KIAA1217: variants seen among roughly 807,000 people sequenced by gnomAD.
The protein encoded by KIAA1217 is KIAA1217.
KIAA1217 carries 88 observed loss-of-function variants against 163.9 expected under a neutral mutation model. The ratio of observed to expected loss-of-function variants is 0.54; its 90% CI spans 0.45 to 0.64. The LOEUF is 0.64. Among genes scored for constraint, KIAA1217 ranks in the 30% least tolerant of loss-of-function variants. The pLI, the probability that KIAA1217 is intolerant of heterozygous loss-of-function variation, is 0.00. For missense variants in KIAA1217, 2,372 were observed against 2,475.0 expected (o/e 0.96, Z 0.88); for synonymous variants, 903 against 923.1 (o/e 0.98, Z 0.39).
chr10:24,402,530 A>AC (rs1460151204), intron 3 of KIAA1217, among the ~76,000 whole-genome samples: 10 of 86,520 alleles, frequency 1.2e-4, no homozygotes, highest in African/African-American at 2.6e-4. Flanking sequence ...AAACAAAACA[A>AC]AAAAAAAAAA....
At chr10:24,087,978 C>G (rs895323333) in intron 2 of KIAA1217, among the ~76,000 whole-genome samples, 1 of 83,556 alleles carries the variant, frequency 1.2e-5, no homozygotes, top group African/African-American at 2.8e-5. Context: ...ATTCCCAAAC[C>G]AAGTTAGTGG....
intron 3 of KIAA1217, among the ~76,000 whole-genome samples, chr10:24,407,250 GAA>G (rs2057311586): frequency 6.8e-6 from 1 of 147,248 alleles, no homozygotes; most frequent in South Asian, 2.1e-4. Context: ...TGTCCTTGAT[GAA>G]GATACGTGTG....
At chr10:24,236,675 A>G (rs1160275646) in intron 2 of KIAA1217, among the ~76,000 whole-genome samples, 7 of 145,078 alleles carry the variant, frequency 4.8e-5, no homozygotes, top group Non-Finnish European at 9.0e-5. Flanking sequence ...TTTTTGAGGC[A>G]TGTTCTTACT....
intron 2 of KIAA1217, among the ~76,000 whole-genome samples, chr10:24,094,141 T>G (rs1411856165): frequency 6.6e-6 from 1 of 152,156 alleles, no homozygotes; most frequent in Non-Finnish European, 1.5e-5. Context: ...AGCAGCATGA[T>G]TTATAGTCCT....
intron 2 of KIAA1217, among the ~76,000 whole-genome samples, chr10:24,075,610 T>G (rs2131639737): frequency 6.6e-6 from 1 of 151,416 alleles, no homozygotes; most frequent in East Asian, 1.9e-4. Flanking sequence ...TTTTATCTTT[T>G]TTTTTTTTTT....
chr10:24,138,128 A>G (rs535462372), intron 2 of KIAA1217, among the ~76,000 whole-genome samples: 1 of 152,188 alleles, frequency 6.6e-6, no homozygotes, highest in South Asian at 2.1e-4. Context: ...GGTTTACAGT[A>G]TTTGGTTGAA....
intron 2 of KIAA1217, among the ~76,000 whole-genome samples, chr10:24,252,057 T>C (rs2074615465): frequency 6.6e-6 from 1 of 151,892 alleles, no homozygotes; most frequent in Admixed American, 6.6e-5. Flanking sequence ...ATCTAGTCAA[T>C]GTCTTAAACA....
intron 1 of KIAA1217, among the ~76,000 whole-genome samples, chr10:23,909,141 G>C (rs997321668): frequency 6.6e-6 from 1 of 152,108 alleles, no homozygotes; most frequent in African/African-American, 2.4e-5. Flanking sequence ...TTGTAAGTGG[G>C]AGCAAAGCTA....
rs2065165549 is a variant in KIAA1217, at chr10:24,162,507, T to A, written c.-170-57119T>A. ...CCTGGAGCAAGCAGGTGTCTGTCTCTCCTCTGTGCAAGGAGTGAGAAGGTA... is the reference window on the plus strand; with the variant it reads ...CCTGGAGCAAGCAGGTGTCTGTCTCACCTCTGTGCAAGGAGTGAGAAGGTA... On this transcript the variant is annotated intron_variant, in intron 2 of 18. Transcript: ENST00000376462. Among the ~76,000 whole-genome samples the A allele has an allele frequency of 2.0e-5, 3 of 152,300 alleles. No homozygotes were observed. In the East Asian group the frequency reaches 5.8e-4, roughly 29 times the overall value.
rs146030219 is a variant in KIAA1217 at position 24,327,088 on chromosome 10, C to T, written c.355-53781C>T. 2.0e-5 allele frequency among the ~76,000 whole-genome samples: 3 copies of T among 152,254 alleles called. No homozygotes were observed. In the East Asian group the frequency reaches 5.8e-4, roughly 29 times the overall value. ...TTTCTGAAAGATAAGATGTAAAGTG[C>T]AAACTCATTAGATTTATATTAGAAT... On this transcript the variant is annotated intron_variant, in intron 2 of 20. Coordinates refer to ENST00000376454, the MANE Select transcript of KIAA1217 (RefSeq NM_019590.5).
intron 6 of KIAA1217, among the ~76,000 whole-genome samples, chr10:24,485,435 C>T (rs547363377): frequency 6.6e-6 from 1 of 152,316 alleles, no homozygotes; most frequent in African/African-American, 2.4e-5. Context: ...TTCGTGCATT[C>T]TTCCACCAAA....
chr10:23,856,634 A>C (rs548843202), intron 1 of KIAA1217, among the ~76,000 whole-genome samples: 191 of 152,364 alleles, frequency 1.3e-3, no homozygotes, highest in African/African-American at 4.5e-3. Flanking sequence ...AGAGGCAGGC[A>C]GGCCTCCTTG....
At chr10:24,512,549 T>C (rs1025236619) in intron 9 of KIAA1217, among the ~76,000 whole-genome samples, 1 of 152,212 alleles carries the variant, frequency 6.6e-6, no homozygotes. Flanking sequence ...GAGTTCTGTA[T>C]ACAGGTAGCC....
At chr10:24,085,922 A>C (rs761216876) in intron 2 of KIAA1217, among the ~76,000 whole-genome samples, 1 of 152,028 alleles carries the variant, frequency 6.6e-6, no homozygotes, top group Non-Finnish European at 1.5e-5. Context: ...GCGGTGGGCC[A>C]AGATTATGCC....
intron 2 of KIAA1217, among the ~76,000 whole-genome samples, chr10:24,048,206 T>C (rs1371309850): frequency 1.3e-5 from 2 of 152,222 alleles, no homozygotes; most frequent in East Asian, 3.9e-4. Context: ...TCCAGATCCA[T>C]GTATTACATA....
At chr10:23,989,746 C>A (rs1846136044) in intron 1 of KIAA1217, among the ~76,000 whole-genome samples, 1 of 152,124 alleles carries the variant, frequency 6.6e-6, no homozygotes. Flanking sequence ...TCAGAACTAC[C>A]TTCAAATAAC....
intron 2 of KIAA1217, among the ~76,000 whole-genome samples, chr10:24,038,667 G>A (rs1225791592): frequency 2.2e-4 from 34 of 152,024 alleles, no homozygotes; most frequent in Admixed American, 2.2e-3. Context: ...CACCGGCACA[G>A]GGAAGGGAGA....
intron 6 of KIAA1217, chr10:24,482,033 A>C (rs2064778255): frequency 6.6e-6 from 1 of 152,184 alleles, no homozygotes; most frequent in Non-Finnish European, 1.5e-5. Flanking sequence ...TTTCATGGTT[A>C]AGTCATATTT....
intron 5 of KIAA1217, among the ~76,000 whole-genome samples, chr10:24,440,239 A>C (rs972760422): frequency 6.6e-6 from 1 of 152,248 alleles, no homozygotes; most frequent in Non-Finnish European, 1.5e-5. Context: ...CCAGAGCCAC[A>C]TGGAGACAGA....
Sources: gnomAD v4.1 joint callset for allele counts (sites outside exome capture counted in the v4.1 genomes callset) on GRCh38, gnomAD v4.1.1 for gene constraint, MANE v1.5 for transcripts, NCBI Gene and HGNC (gene_info 2026-07-23, HGNC 2026-07-21) for gene names.